The following DGKB variants were observed in gnomAD, a reference collection of about 807,000 sequenced individuals.
DGKB encodes 90 kDa diacylglycerol kinase.
Under a neutral mutation model 114.3 loss-of-function variants are expected in DGKB, and 67 were observed. The ratio of observed to expected loss-of-function variants is 0.59; its 90% CI spans 0.48 to 0.72. The LOEUF (loss-of-function observed/expected upper bound fraction) is 0.72, where lower values mean the gene tolerates loss of function less well. Ranked by LOEUF, DGKB falls within the 30% of genes least tolerant of loss-of-function variation. The probability of loss-of-function intolerance (pLI) is 0.00; values close to 1 mark genes in which losing one functional copy is unlikely to be tolerated. For missense variants in DGKB, 907 were observed against 975.2 expected, an observed-to-expected ratio of 0.93 and a Z score of 0.93; for synonymous variants, 398 against 323.1, an observed-to-expected ratio of 1.23 and a Z score of -2.49.
At chr7:14,785,672 G>A (rs950818894) in intron 2 of DGKB, among the ~76,000 whole-genome samples, 2 of 152,224 alleles carry the variant, frequency 1.3e-5, no homozygotes, top group African/African-American at 4.8e-5. Context: ...AGAACTGTAA[G>A]CCTGCTCTGC....
At chr7:14,525,089 A>C (rs1790429723) in intron 20 of DGKB, among the ~76,000 whole-genome samples, 2 of 152,034 alleles carry the variant, frequency 1.3e-5, no homozygotes, top group South Asian at 4.1e-4. Flanking sequence ...TCCATAATAA[A>C]AAGTTTGGGA....
intron 1 of DGKB, among the ~76,000 whole-genome samples, chr7:14,936,612 T>A (rs569517637): frequency 1.4e-4 from 21 of 152,280 alleles, no homozygotes; most frequent in African/African-American, 3.8e-4. Context: ...GACTTAGGAA[T>A]GGAGGTGGTC....
intron 21 of DGKB, among the ~76,000 whole-genome samples, chr7:14,347,358 C>T (rs1235642323): frequency 6.6e-6 from 1 of 151,892 alleles, no homozygotes; most frequent in Non-Finnish European, 1.5e-5. Context: ...TAAATTTGTA[C>T]AGCCGTTATG....
intron 1 of DGKB, among the ~76,000 whole-genome samples, chr7:14,948,956 T>TA (rs1383611894): frequency 6.6e-6 from 1 of 151,752 alleles, no homozygotes; most frequent in East Asian, 1.9e-4. Flanking sequence ...AACTAAATGA[T>TA]ATATTGCAAG....
rs1809469178 is a variant in DGKB at position 14,630,404 on chromosome 7, C to T, written c.1135-136G>A. On this transcript the variant is annotated intron_variant, in intron 13 of 25. Coordinates refer to ENST00000402815, the MANE Select transcript of DGKB (RefSeq NM_001350709.2). ...AATACATTTCCTTGGTATAATTTTA[C>T]TGCTTCCTTGAATTAAATAATTAAA... 13 of 552,186 alleles carry T rather than the reference C, an allele frequency of 2.4e-5. No individual in the cohort carries two copies. In the South Asian group the frequency reaches 4.0e-4, roughly 17 times the overall value. The allele number at this position is 552,186 out of a possible 1,614,324, so 34.2% of individuals were successfully genotyped here.
At chr7:14,326,643 A>G (rs1178256188) in intron 23 of DGKB, among the ~76,000 whole-genome samples, 2 of 152,112 alleles carry the variant, frequency 1.3e-5, no homozygotes, top group East Asian at 1.9e-4. Context: ...TACATTTTCA[A>G]CCTCCTTTCC....
At chr7:14,594,220 T>C (rs764117657) in intron 17 of DGKB, among the ~76,000 whole-genome samples, 56 of 152,214 alleles carry the variant, frequency 3.7e-4, no homozygotes, top group Admixed American at 7.9e-4. Context: ...GGGATTTAAT[T>C]GAACTTAGTA....
rs1554404750 is a variant in DGKB, at chr7:14,392,995, G to GTTTTTTTGTTTTTTTTTTTTTTTTTTT, written c.1836-47605_1836-47604insAAAAAAAAAAAAAAAAAAACAAAAAAA. On this transcript the variant is annotated intron_variant, in intron 21 of 25. Transcript: ENST00000402815. The stretch of plus-strand genomic sequence containing the variant: ...CAAAACAGACCTGTTTTTTGTTTTT[G>GTTTTTTTGTTTTTTTTTTTTTTTTTTT]TTTTTTTTTTTTTGAGACGGAGTCT... Among the ~76,000 whole-genome samples, 17 of 60,546 alleles carry GTTTTTTTGTTTTTTTTTTTTTTTTTTT rather than the reference G, an allele frequency of 2.8e-4. 1 individual carries two copies. Among genetic ancestry groups the GTTTTTTTGTTTTTTTTTTTTTTTTTTT allele is most frequent in the South Asian group, 8.3e-4 (1 of 1,210 alleles). The allele number at this position is 60,546 out of a possible 152,430, so 39.7% of individuals were successfully genotyped here.
At chr7:14,779,363 T>C (rs6980373) in intron 2 of DGKB, among the ~76,000 whole-genome samples, 59,160 of 151,732 alleles carry the variant, frequency 0.39, 16,182 homozygotes, top group African/African-American at 0.77. Context: ...TGGTGAAACC[T>C]GGTCTCTATA....
At chr7:14,530,086 A>G (rs1584605993) in intron 20 of DGKB, among the ~76,000 whole-genome samples, 1 of 151,788 alleles carries the variant, frequency 6.6e-6, no homozygotes, top group East Asian at 1.9e-4. Flanking sequence ...AGAGCTCATT[A>G]AAGGTGTCTG....
chr7:14,793,986 G>A (rs1234173429), intron 2 of DGKB, among the ~76,000 whole-genome samples: 1 of 152,028 alleles, frequency 6.6e-6, no homozygotes, highest in Non-Finnish European at 1.5e-5. Context: ...ATTTTCTCCA[G>A]CCCTCAGATA....
intron 1 of DGKB, among the ~76,000 whole-genome samples, chr7:14,885,966 G>T (rs1323038043): frequency 1.3e-5 from 2 of 151,698 alleles, no homozygotes; most frequent in East Asian, 1.9e-4. Flanking sequence ...ATAAAGGAAG[G>T]ATCTACTGAA....
intron 23 of DGKB, among the ~76,000 whole-genome samples, chr7:14,219,555 T>C (rs940363666): frequency 8.6e-5 from 13 of 151,854 alleles, no homozygotes; most frequent in Non-Finnish European, 1.5e-4. Context: ...GTATCTCTTC[T>C]ATACGTATAT....
intron 21 of DGKB, among the ~76,000 whole-genome samples, chr7:14,392,694 G>C (rs1821501116): frequency 6.6e-6 from 1 of 152,114 alleles, no homozygotes; most frequent in African/African-American, 2.4e-5. Context: ...AAAGTGGAGA[G>C]TAGTTGACAA....
intron 23 of DGKB, among the ~76,000 whole-genome samples, chr7:14,299,764 G>A (rs992626032): frequency 6.6e-6 from 1 of 151,984 alleles, no homozygotes; most frequent in Non-Finnish European, 1.5e-5. Context: ...CACACCTGCC[G>A]CTTCCCTCCC....
chr7:14,364,310 A>G (rs1402826289), intron 21 of DGKB, among the ~76,000 whole-genome samples: 1 of 151,972 alleles, frequency 6.6e-6, no homozygotes, highest in Non-Finnish European at 1.5e-5. Context: ...ATTATTGCCC[A>G]GAAGTGCTGG....
At chr7:14,461,359 G>C (rs990090673) in intron 21 of DGKB, among the ~76,000 whole-genome samples, 10 of 150,372 alleles carry the variant, frequency 6.7e-5, no homozygotes, top group Non-Finnish European at 1.0e-4. Flanking sequence ...TAGACCACTA[G>C]CCAGATGAAT....
In DGKB at chr7:14,338,624, A is replaced by T; in HGVS notation, c.2013T>A (p.Asn671Lys). ...GTCTTTTCTTAGACTCTCCCCAAAG[A>T]TTGGATCCTCCATGCATGCTTGGTA... ...LNIPSMHGGSNLWGESKKRRS... is the reference protein window; with the variant it reads ...LNIPSMHGGSKLWGESKKRRS... The change falls in exon 23 of 26, where the codon AAT (asparagine) becomes AAA (lysine). Residue 671 changes from asparagine to lysine, a missense_variant. Physicochemically the swap from Asn to Lys is moderately conservative, Grantham distance 94. This residue lies in a region of DGKB where 814 missense variants were observed against 856.6 expected (regional missense o/e 0.95). Coordinates refer to ENST00000402815, the MANE Select transcript of DGKB (RefSeq NM_001350709.2). 1 of 1,610,318 alleles carries T rather than the reference A, an allele frequency of 6.2e-7. No individual in the cohort carries two copies. The highest frequency in any genetic ancestry group is 8.5e-7 in the Non-Finnish European group (1 of 1,177,830).
intron 9 of DGKB, among the ~76,000 whole-genome samples, chr7:14,685,881 G>T (rs1356239089): frequency 6.6e-6 from 1 of 152,026 alleles, no homozygotes; most frequent in Non-Finnish European, 1.5e-5. Context: ...ATACTAAAAG[G>T]TAAGTTATTG....
Sources: gnomAD v4.1 joint callset for allele counts (sites outside exome capture counted in the v4.1 genomes callset) on GRCh38, gnomAD v4.1.1 for gene constraint, gnomAD v4.1.1 regional missense constraint, MANE v1.5 for transcripts, NCBI Gene and HGNC (gene_info 2026-07-23, HGNC 2026-07-21) for gene names.